Variants in ARGFX observed in about 807,000 individuals in gnomAD.
The protein encoded by ARGFX is arginine-fifty homeobox.
In ARGFX, 10 loss-of-function variants were observed where a neutral mutation model predicts 8.0. The ratio of observed to expected loss-of-function variants is 1.25; its 90% CI spans 0.77 to 2.12. The LOEUF (loss-of-function observed/expected upper bound fraction) is 2.12, where lower values mean the gene tolerates loss of function less well. Among genes scored for constraint, ARGFX ranks in the 30% most tolerant of loss-of-function variants. ARGFX has a pLI of 0.00. For synonymous variants in ARGFX, 116 were observed against 117.8 expected, an observed-to-expected ratio of 0.98 and a Z score of 0.10; for missense variants, 282 against 324.3, an observed-to-expected ratio of 0.87 and a Z score of 1.00.
At position 121,587,881 on chromosome 3, in the gene ARGFX, G is replaced by A. The variant is rs549175694; in HGVS notation, c.*1281G>A. Among the ~76,000 whole-genome samples, 1 of 151,672 alleles carries A rather than the reference G, an allele frequency of 6.6e-6. No homozygotes were observed. Among genetic ancestry groups the A allele is most frequent in the Non-Finnish European group, 1.5e-5 (1 of 67,938 alleles). ...GCCTTGTTGCCCAGGCTGAATTTGG[G>A]TTTTTTTAAAATGAGACTTTCAGTC... On this transcript the variant is annotated 3_prime_UTR_variant, in exon 5 of 5. Coordinates refer to ENST00000334384, the MANE Select transcript of ARGFX (RefSeq NM_001012659.2).
rs145075970 is a variant in ARGFX, at chr3:121,570,814, C to T, written c.101C>T (p.Pro34Leu). Reference sequence around the variant, plus strand: ...ATACCACCACAGGATCCAGCTAGTCCCAGTGAGTATCATCCTTCTTTGTCC... The same window carrying T: ...ATACCACCACAGGATCCAGCTAGTCTCAGTGAGTATCATCCTTCTTTGTCC... ...KVIPPQDPAS[P>L]SFTLLSKLEC... Residue 34 changes from proline (P) to leucine (L), a missense_variant and splice_region_variant, in exon 2 of 5, where the codon CCC (proline) becomes CTC (leucine). Pro to Leu is a moderately conservative substitution (Grantham distance 98, BLOSUM62 -3). Coordinates refer to ENST00000334384, the MANE Select transcript of ARGFX (RefSeq NM_001012659.2). 1.9e-6 allele frequency: 3 copies of T among 1,591,508 alleles called. No individual in the cohort carries two copies. The highest frequency in any genetic ancestry group is 2.6e-6 in the Non-Finnish European group (3 of 1,168,098).
In ARGFX at chr3:121,570,763, A is replaced by T; in HGVS notation, c.50A>T (p.Asn17Ile). 6.2e-7 allele frequency: 1 copy of T among 1,610,346 alleles called. No homozygotes were observed. Residue 17 changes from asparagine (N) to isoleucine (I), a missense_variant, in exon 2 of 5, where the codon AAT becomes ATT. Physicochemically the swap from Asn to Ile is moderately radical, Grantham distance 149 (BLOSUM62 -3). Transcript: ENST00000334384. ...PENPQPDPFI[N>I]RNYSNMKVIP... is the part of the protein sequence containing the mutation. ...AATCCCCAGCCAGACCCTTTCATCA[A>T]TAGGAATTATTCCAACATGAAGGTG... is the stretch of plus-strand genomic sequence containing the variant.
In ARGFX at chr3:121,587,124, C is replaced by G. The variant is rs964307020; in HGVS notation, c.*524C>G. Reference sequence around the variant, plus strand: ...GGAGTGCAGTGGCGGGATCTCAGCTCAGTGCAACCTCCACCTCCTGGGGTT... The same window carrying G: ...GGAGTGCAGTGGCGGGATCTCAGCTGAGTGCAACCTCCACCTCCTGGGGTT... On this transcript the variant is annotated 3_prime_UTR_variant, in exon 5 of 5. Transcript: ENST00000334384. Among the ~76,000 whole-genome samples the G allele has an allele frequency of 6.6e-6, 1 of 152,022 alleles. No individual in the cohort carries two copies. The highest frequency in any genetic ancestry group is 2.4e-5 in the African/African-American group (1 of 41,398).
In ARGFX at chr3:121,585,077, T is replaced by C; in HGVS notation, c.369+12T>C. The C allele has an allele frequency of 1.2e-6, 2 of 1,613,106 alleles. No individual in the cohort carries two copies. The highest frequency in any genetic ancestry group is 3.3e-4 in the Middle Eastern group (2 of 6,052). Reference sequence around the variant, plus strand: ...AGTCAACAGTAAAGGTCTGATCCCCTGTGGTGTGCTTGGTACCCCCATCCA... The same window carrying C: ...AGTCAACAGTAAAGGTCTGATCCCCCGTGGTGTGCTTGGTACCCCCATCCA... On this transcript the variant is annotated intron_variant, in intron 4 of 4. Coordinates refer to ENST00000334384, the MANE Select transcript of ARGFX (RefSeq NM_001012659.2).
intron 3 of ARGFX, among the ~76,000 whole-genome samples, chr3:121,583,481 G>T (rs2048792376): frequency 6.6e-6 from 1 of 151,098 alleles, no homozygotes; most frequent in South Asian, 2.1e-4. Context: ...CTGTCACCCA[G>T]GCTGACACAT....
In ARGFX at chr3:121,588,690, G is replaced by A. The variant is rs757239572; in HGVS notation, c.*2090G>A. 2.0e-5 allele frequency among the ~76,000 whole-genome samples: 3 copies of A among 151,506 alleles called. No individual in the cohort carries two copies. Among genetic ancestry groups the A allele is most frequent in the Non-Finnish European group, 4.4e-5 (3 of 67,882 alleles). On this transcript the variant is annotated 3_prime_UTR_variant, in exon 5 of 5. Coordinates refer to ENST00000334384, the MANE Select transcript of ARGFX (RefSeq NM_001012659.2). ...TCCCAGCACGTTGGGAGGCCAAGGC[G>A]GGCAGATCACGAGGTCAAGAGATCA...
chr3:121,577,261 T>TATATATCTACATGTACATATATA (rs1560120621), intron 3 of ARGFX, among the ~76,000 whole-genome samples: 1 of 37,532 alleles, frequency 2.7e-5, no homozygotes, highest in Non-Finnish European at 5.1e-5. Context: ...ATATATATAT[T>TATATATCTACATGTACATATATA]TTTTTTTTTT....
At chr3:121,571,892 G>C (rs935946845) in intron 2 of ARGFX, among the ~76,000 whole-genome samples, 2 of 151,178 alleles carry the variant, frequency 1.3e-5, no homozygotes, top group African/African-American at 4.9e-5. Context: ...GCAATGGTGC[G>C]ATCTCAGCTC....
intron 3 of ARGFX, among the ~76,000 whole-genome samples, chr3:121,581,541 T>C (rs9861720): frequency 0.022 from 3,388 of 152,274 alleles, 146 homozygotes; most frequent in African/African-American, 0.075. Context: ...CGAACCCAAG[T>C]TGTTCCAAGC....
intron 3 of ARGFX, among the ~76,000 whole-genome samples, chr3:121,581,023 A>G (rs549300024): frequency 5.9e-5 from 9 of 152,158 alleles, no homozygotes; most frequent in African/African-American, 2.2e-4. Context: ...TCTGTTGCCC[A>G]GGAGTGCAAT....
In ARGFX at chr3:121,588,727, G is replaced by A. The variant is rs1250096400; in HGVS notation, c.*2127G>A. On this transcript the variant is annotated 3_prime_UTR_variant, in exon 5 of 5. Coordinates refer to ENST00000334384, the MANE Select transcript of ARGFX (RefSeq NM_001012659.2). ...AGGTCAAGAGATCAAGACCATCCTG[G>A]CCAACATGGTGAAATCCTGCCTCTA... Among the ~76,000 whole-genome samples, 2 of 149,368 alleles carry A rather than the reference G, an allele frequency of 1.3e-5. No individual in the cohort carries two copies. The highest frequency in any genetic ancestry group is 3.0e-5 in the Non-Finnish European group (2 of 67,466).
At chr3:121,585,331 T>A (rs902973191) in intron 4 of ARGFX, among the ~76,000 whole-genome samples, 2 of 152,180 alleles carry the variant, frequency 1.3e-5, no homozygotes, top group African/African-American at 4.8e-5. Context: ...CCAGAAATCT[T>A]ATTTTTAATA....
chr3:121,577,825 C>T (rs1249098611), intron 3 of ARGFX, among the ~76,000 whole-genome samples: 1 of 151,964 alleles, frequency 6.6e-6, no homozygotes, highest in Non-Finnish European at 1.5e-5. Flanking sequence ...CATTCTGTTG[C>T]CCAGGCTGGA....
At chr3:121,575,744 T>A (rs59877871) in intron 2 of ARGFX, among the ~76,000 whole-genome samples, 42,270 of 151,762 alleles carry the variant, frequency 0.28, 6,301 homozygotes, top group East Asian at 0.61. Flanking sequence ...TGAAACCCCA[T>A]CTCTAATAAA....
At chr3:121,568,161 G>C (rs2048684521) in intron 1 of ARGFX, among the ~76,000 whole-genome samples, 148 bp downstream of exon 1, 1 of 152,172 alleles carries the variant, frequency 6.6e-6, no homozygotes, top group Non-Finnish European at 1.5e-5. Flanking sequence ...GTTGGGGACA[G>C]AAGGAAGGTC....
chr3:121,572,246 T>G (rs1049794381), intron 2 of ARGFX, among the ~76,000 whole-genome samples: 1 of 146,942 alleles, frequency 6.8e-6, no homozygotes, highest in Non-Finnish European at 1.5e-5. Flanking sequence ...GTTTTTTTTT[T>G]TTTTTTTTTT....
chr3:121,574,871 A>C (rs534906947), intron 2 of ARGFX, among the ~76,000 whole-genome samples: 3 of 152,348 alleles, frequency 2.0e-5, no homozygotes, highest in Non-Finnish European at 4.4e-5. Flanking sequence ...GTAATGTGGA[A>C]ATAGAGGCTG....
rs904922637 is a variant in ARGFX, at chr3:121,589,031, T to C, written c.*2431T>C. Reference sequence around the variant, plus strand: ...TGTCTACAAAAAATAAAAAATTAGCTGGGCATGACGGCCAGAGCCCATGGT... The same window carrying C: ...TGTCTACAAAAAATAAAAAATTAGCCGGGCATGACGGCCAGAGCCCATGGT... On this transcript the variant is annotated 3_prime_UTR_variant, in exon 5 of 5. Transcript: ENST00000334384. Among the ~76,000 whole-genome samples, 8 of 152,090 alleles carry C rather than the reference T, an allele frequency of 5.3e-5. No homozygotes were observed. The highest frequency in any genetic ancestry group is 1.0e-4 in the Non-Finnish European group (7 of 68,004).
chr3:121,585,314 TA>T (rs1224693402), intron 4 of ARGFX, among the ~76,000 whole-genome samples: 1 of 152,164 alleles, frequency 6.6e-6, no homozygotes, highest in Admixed American at 6.5e-5. Flanking sequence ...TTGCTAGAAC[TA>T]AAACCCCAGA....
Sources: gnomAD v4.1 joint callset for allele counts (sites outside exome capture counted in the v4.1 genomes callset) on GRCh38, gnomAD v4.1.1 for gene constraint, MANE v1.5 for transcripts, NCBI Gene and HGNC (gene_info 2026-07-23, HGNC 2026-07-21) for gene names.